The following PRRC2B variants were observed in gnomAD, a reference collection of about 807,000 sequenced individuals.
The protein encoded by PRRC2B is protein PRRC2B.
A neutral mutation model predicts 242.3 loss-of-function variants in PRRC2B; 68 were observed. The ratio of observed to expected loss-of-function variants is 0.28; its 90% CI spans 0.23 to 0.34. The LOEUF is 0.34. Ranked by LOEUF, PRRC2B falls within the 10% of genes least tolerant of loss-of-function variation. The pLI, the probability that PRRC2B is intolerant of heterozygous loss-of-function variation, is 1.00. For missense variants in PRRC2B, 2,835 were observed against 2,954.8 expected (o/e 0.96, Z 0.94); for synonymous variants, 1,228 against 1,173.6 (o/e 1.05, Z -0.95).
At chr9:131,381,580 A>G (rs1430199504) in intron 1 of PRRC2B, among the ~76,000 whole-genome samples, 2 of 151,014 alleles carry the variant, frequency 1.3e-5, no homozygotes, top group Non-Finnish European at 2.9e-5. Context: ...CACCATGCCC[A>G]GCCAATTGTT....
At position 131,497,846 on chromosome 9, in the gene PRRC2B, C is replaced by T. The variant is rs1015127865; in HGVS notation, c.*1972C>T. ...CAGTTCCAGGCATTCCCTACCTGAG[C>T]TTCTTGTCTGCTTTTCCTTCTCCCA... On this transcript the variant is annotated 3_prime_UTR_variant, in exon 32 of 32. Transcript: ENST00000683519. The T allele has an allele frequency of 2.0e-5, 3 of 152,362 alleles. No individual in the cohort carries two copies. Among genetic ancestry groups the T allele is most frequent in the African/African-American group, 7.2e-5 (3 of 41,442 alleles). The allele number at this position is 152,362 out of a possible 1,614,324, so 9.4% of individuals were successfully genotyped here. A position where few individuals can be genotyped will look rare whatever the true frequency, so the allele number is the denominator to read the frequency against.
At chr9:131,443,397 A>G (rs1457182652) in intron 5 of PRRC2B, among the ~76,000 whole-genome samples, 2 of 151,234 alleles carry the variant, frequency 1.3e-5, no homozygotes, top group Admixed American at 6.6e-5. Flanking sequence ...CGGCCTCCCA[A>G]AGTGCTGGGA....
chr9:131,453,355 TA>T (rs1012486344), intron 9 of PRRC2B, among the ~76,000 whole-genome samples: 20 of 152,366 alleles, frequency 1.3e-4, no homozygotes, highest in African/African-American at 4.8e-4. Flanking sequence ...CTCTGCTTTT[TA>T]ATTAGATTGA....
At position 131,498,096 on chromosome 9, in the gene PRRC2B, C is replaced by G. The variant is rs571234747; in HGVS notation, c.*2222C>G. ...TGTTAAGATGTACCCTTCAGGTGAA[C>G]CTGGTATCAGACCCACAGTACTTGC... On this transcript the variant is annotated 3_prime_UTR_variant, in exon 32 of 32. Transcript: ENST00000683519. The G allele has an allele frequency of 6.6e-6, 1 of 152,240 alleles. No individual in the cohort carries two copies. The highest frequency in any genetic ancestry group is 2.1e-4 in the South Asian group (1 of 4,828). 9.4% of individuals were successfully genotyped at this position (152,240 alleles called of 1,614,324 possible).
rs377714215 is a variant in PRRC2B, at chr9:131,475,875, G to A, written c.3746G>A (p.Arg1249Gln). The change falls in exon 16 of 32, where the codon CGA (arginine) becomes CAA (glutamine). Residue 1249 changes from arginine (R) to glutamine (Q), a missense_variant. By Grantham distance (43) the Arg-to-Gln change is conservative. Around this residue, in one of 7 missense-constraint regions of PRRC2B, gnomAD observed 1,536 missense variants for 1,483.1 expected, o/e 1.04. Coordinates refer to ENST00000683519, the MANE Select transcript of PRRC2B (RefSeq NM_013318.4). ...CCTTCCGACACATGCGGATCCCGGC[G>A]ACCTACAGACAGAGACTATGTCCCA... ...YGPSDTCGSR[R>Q]PTDRDYVPDS... 1.2e-5 allele frequency: 19 copies of A among 1,613,794 alleles called. No individual in the cohort carries two copies. Among genetic ancestry groups the A allele is most frequent in the African/African-American group, 5.3e-5 (4 of 75,044 alleles).
At position 131,481,738 on chromosome 9, in the gene PRRC2B, A is replaced by G; in HGVS notation, c.4913A>G (p.Gln1638Arg). The G allele has an allele frequency of 6.4e-7, 1 of 1,563,314 alleles. No homozygotes were observed. The highest frequency in any genetic ancestry group is 1.9e-5 in the Admixed American group (1 of 52,860). Residue 1638 changes from glutamine (Q) to arginine (R), a missense_variant, in exon 20 of 32, where the codon CAG becomes CGG. Physicochemically the swap from Gln to Arg is conservative, Grantham distance 43. Around this residue, in one of 7 missense-constraint regions of PRRC2B, gnomAD observed 1,536 missense variants for 1,483.1 expected, o/e 1.04. Transcript: ENST00000683519. ...CCTCCCCTGGCAGCTCTCCCTGTGC[A>G]GGCCCCAGCCAACGACTCCTGGAGG... ...WESSSQALPV[Q>R]APANDSWRKA... is the part of the protein sequence containing the mutation.
At chr9:131,493,091 C>T (rs1356528340) in intron 30 of PRRC2B, among the ~76,000 whole-genome samples, 3 of 152,172 alleles carry the variant, frequency 2.0e-5, no homozygotes, top group African/African-American at 4.8e-5. Flanking sequence ...CTCTGCAAGC[C>T]GGGCCCCCAT....
At chr9:131,399,633 T>C (rs1430184888) in intron 1 of PRRC2B, among the ~76,000 whole-genome samples, 2 of 152,048 alleles carry the variant, frequency 1.3e-5, no homozygotes, top group South Asian at 2.1e-4. Context: ...TATAAATCAC[T>C]TGTGACCTCA....
chr9:131,412,539 G>T (rs1034691755), intron 1 of PRRC2B, among the ~76,000 whole-genome samples: 1 of 152,218 alleles, frequency 6.6e-6, no homozygotes, highest in African/African-American at 2.4e-5. Flanking sequence ...TGGGTCATGG[G>T]TGAGCATATG....
At chr9:131,473,765 G>A (rs7850251) in intron 15 of PRRC2B, 41 bp downstream of exon 15, 1,526,870 of 1,533,034 alleles carry the variant, frequency 1, 760,560 homozygotes, top group East Asian at 1. Flanking sequence ...CACTGAAGGA[G>A]GACTCCAGGT....
chr9:131,417,895 ACT>A (rs1349018118), intron 1 of PRRC2B, among the ~76,000 whole-genome samples: 4 of 151,850 alleles, frequency 2.6e-5, no homozygotes, highest in East Asian at 1.9e-4. Flanking sequence ...ATCGAGCATG[ACT>A]CTCTTTTTGT....
chr9:131,396,244 C>T (rs917206676), intron 1 of PRRC2B, among the ~76,000 whole-genome samples: 1 of 151,650 alleles, frequency 6.6e-6, no homozygotes, highest in Admixed American at 6.6e-5. Context: ...TCCTTCCTTC[C>T]TCCCTTGCCC....
At chr9:131,438,015 A>G (rs187949571) in intron 4 of PRRC2B, among the ~76,000 whole-genome samples, 6 of 152,298 alleles carry the variant, frequency 3.9e-5, no homozygotes, top group Admixed American at 3.9e-4. Flanking sequence ...GCACTGGCAC[A>G]GGGGTCACCT....
At chr9:131,387,972 C>G (rs992635857) in intron 1 of PRRC2B, among the ~76,000 whole-genome samples, 10 of 150,588 alleles carry the variant, frequency 6.6e-5, no homozygotes, top group African/African-American at 2.4e-4. Flanking sequence ...GGGTGGATCA[C>G]TTGAGGCCAG....
At chr9:131,464,710 T>C in intron 11 of PRRC2B, 53 bp from the exon 12 acceptor site, 2 of 1,476,716 alleles carry the variant, frequency 1.4e-6, no homozygotes, top group Non-Finnish European at 1.8e-6. Context: ...GAGTGGTTCC[T>C]GTATCCCGGG....
At chr9:131,416,742 T>C (rs1360947996) in intron 1 of PRRC2B, among the ~76,000 whole-genome samples, 1 of 152,158 alleles carries the variant, frequency 6.6e-6, no homozygotes, top group Non-Finnish European at 1.5e-5. Flanking sequence ...GATCAGATAT[T>C]TGGTAGAATG....
At position 131,474,916 on chromosome 9, in the gene PRRC2B, C is replaced by A; in HGVS notation, c.2787C>A (p.His929Gln). 1 of 1,594,966 alleles carries A rather than the reference C, an allele frequency of 6.3e-7. No individual in the cohort carries two copies. Among genetic ancestry groups the A allele is most frequent in the Non-Finnish European group, 8.5e-7 (1 of 1,171,336 alleles). ...AGCCCCGGAGCTCCAGCAGCCAGCACCCGGAGCAGACGGGCAGGACCCGGA... is the reference window on the plus strand; with the variant it reads ...AGCCCCGGAGCTCCAGCAGCCAGCAACCGGAGCAGACGGGCAGGACCCGGA... ...TPEPRSSSSQHPEQTGRTRRS... is the reference protein window; with the variant it reads ...TPEPRSSSSQQPEQTGRTRRS... Residue 929 changes from histidine to glutamine, a missense_variant, in exon 16 of 32, where the codon CAC becomes CAA. Physicochemically the swap from His to Gln is conservative, Grantham distance 24. Coordinates refer to ENST00000683519, the MANE Select transcript of PRRC2B (RefSeq NM_013318.4).
At chr9:131,440,839 C>CTCACA (rs1481509757) in intron 5 of PRRC2B, among the ~76,000 whole-genome samples, 1 of 19,510 alleles carries the variant, frequency 5.1e-5, no homozygotes, top group Non-Finnish European at 1.3e-4. Flanking sequence ...GGGCTGGACA[C>CTCACA]CTGTAATCCC....
chr9:131,473,835 G>A (rs1943611325), intron 15 of PRRC2B, 111 bp downstream of exon 15: 3 of 769,792 alleles, frequency 3.9e-6, no homozygotes, highest in East Asian at 2.7e-5. Flanking sequence ...CACGGGAGAC[G>A]TGCTCCTTGA....
Sources: gnomAD v4.1 joint callset for allele counts (sites outside exome capture counted in the v4.1 genomes callset) on GRCh38, gnomAD v4.1.1 for gene constraint, gnomAD v4.1.1 regional missense constraint, MANE v1.5 for transcripts, NCBI Gene and HGNC (gene_info 2026-07-23, HGNC 2026-07-21) for gene names.